The following TLE1 variants were observed in gnomAD, a reference collection of about 807,000 sequenced individuals.
The protein encoded by TLE1 is TLE family member 1, transcriptional corepressor, also known as transducin-like enhancer protein 1.
Under a neutral mutation model 89.8 loss-of-function variants are expected in TLE1, and 21 were observed. The ratio of observed to expected loss-of-function variants is 0.23; its 90% CI spans 0.17 to 0.34. The LOEUF is 0.34. TLE1 is among the 10% of genes least tolerant of loss of function. The pLI is 1.00. For synonymous variants in TLE1, 447 were observed against 407.6 expected, an observed-to-expected ratio of 1.10 and a Z score of -1.16; for missense variants, 795 against 1,031.2, an observed-to-expected ratio of 0.77 and a Z score of 3.14.
intron 4 of TLE1, among the ~76,000 whole-genome samples, chr9:81,667,215 C>T (rs1187911187): frequency 6.6e-6 from 1 of 151,974 alleles, no homozygotes; most frequent in Non-Finnish European, 1.5e-5. Context: ...GAGTTTGAGA[C>T]CAGCCTGGCC....
At position 81,687,704 on chromosome 9, in the gene TLE1, G is replaced by A. The variant is rs777997847; in HGVS notation, c.25-270C>T. Among the ~76,000 whole-genome samples, 4 of 152,078 alleles carry A rather than the reference G, an allele frequency of 2.6e-5. No individual in the cohort carries two copies. The East Asian group carries it at 7.8e-4, about 30-fold the overall frequency. On this transcript the variant is annotated intron_variant, in intron 1 of 19. Coordinates refer to ENST00000376499, the MANE Select transcript of TLE1 (RefSeq NM_005077.5). ...CCGGGTCACCAGGCCAAAGGGAAGGGGGCTCCCCGGCGGCCAGGGAAGACC... is the reference window on the plus strand; with the variant it reads ...CCGGGTCACCAGGCCAAAGGGAAGGAGGCTCCCCGGCGGCCAGGGAAGACC...
intron 8 of TLE1, among the ~76,000 whole-genome samples, chr9:81,621,249 G>A (rs112773867): frequency 0.019 from 2,874 of 152,184 alleles, 95 homozygotes; most frequent in African/African-American, 0.064. Flanking sequence ...ACTTTCATTC[G>A]CATATGCCGA....
chr9:81,640,228 T>C (rs1167987227), intron 6 of TLE1, among the ~76,000 whole-genome samples: 1 of 152,174 alleles, frequency 6.6e-6, no homozygotes, highest in Admixed American at 6.6e-5. Flanking sequence ...TTAGAATTCA[T>C]GTTCTTGTAT....
intron 6 of TLE1, among the ~76,000 whole-genome samples, chr9:81,647,367 T>C (rs997798793): frequency 1.3e-5 from 2 of 152,372 alleles, no homozygotes; most frequent in Admixed American, 1.3e-4. Context: ...TCTGTCTCCA[T>C]CTGTTCCCCA....
chr9:81,642,003 C>CAA (rs1828186432), intron 6 of TLE1, among the ~76,000 whole-genome samples: 1 of 151,832 alleles, frequency 6.6e-6, no homozygotes, highest in Non-Finnish European at 1.5e-5. Flanking sequence ...GCCTGGGCAA[C>CAA]AAGAGCAAAA....
intron 15 of TLE1, among the ~76,000 whole-genome samples, chr9:81,592,575 A>G (rs1414771946): frequency 1.3e-5 from 2 of 152,196 alleles, no homozygotes; most frequent in African/African-American, 4.8e-5. Flanking sequence ...CAGCTCTCTC[A>G]GGTCTCCCTT....
rs542695653 is a variant in TLE1, at chr9:81,688,359, G to A, written c.-119C>T. ...GCCAAGCAGAAGCGGGGAGCGCGCT[G>A]GCCACGCACGCGCGCTCCGCCGGGC... On this transcript the variant is annotated 5_prime_UTR_variant, in exon 1 of 20. Transcript: ENST00000376499. 1.0e-5 allele frequency: 12 copies of A among 1,151,612 alleles called. No homozygotes were observed. The highest frequency in any genetic ancestry group is 1.9e-5 in the South Asian group (1 of 53,196). 71.3% of individuals were successfully genotyped at this position (1,151,612 alleles called of 1,614,324 possible).
intron 4 of TLE1, among the ~76,000 whole-genome samples, chr9:81,671,748 A>G (rs1832256943): frequency 6.6e-6 from 1 of 152,210 alleles, no homozygotes; most frequent in Non-Finnish European, 1.5e-5. Context: ...CATAAATATC[A>G]TAGCATCTAG....
chr9:81,656,959 A>C (rs1349022888), intron 4 of TLE1, among the ~76,000 whole-genome samples: 1 of 152,234 alleles, frequency 6.6e-6, no homozygotes, highest in Non-Finnish European at 1.5e-5. Context: ...TGTACCAATT[A>C]TTGCGAGTTT....
intron 8 of TLE1, among the ~76,000 whole-genome samples, chr9:81,632,721 C>T (rs1020911774): frequency 4.6e-5 from 7 of 151,890 alleles, no homozygotes; most frequent in Admixed American, 2.0e-4. Flanking sequence ...ATGAACTCTA[C>T]GCACACAGCC....
intron 16 of TLE1, 132 bp from the exon 17 acceptor site, chr9:81,587,960 C>A: frequency 1.5e-6 from 1 of 668,320 alleles, no homozygotes; most frequent in Non-Finnish European, 2.0e-6. Flanking sequence ...CCGCCAGTGT[C>A]TGCTGATGTG....
chr9:81,612,053 T>A (rs993080651), intron 12 of TLE1, 94 bp from the exon 13 acceptor site: 1 of 1,016,014 alleles, frequency 9.8e-7, no homozygotes, highest in Admixed American at 3.7e-5. Context: ...GTGTCACTCA[T>A]GGGGAGAGAG....
chr9:81,655,451 AAG>A (rs1830046136), intron 4 of TLE1, among the ~76,000 whole-genome samples: 1 of 152,134 alleles, frequency 6.6e-6, no homozygotes, highest in Non-Finnish European at 1.5e-5. Flanking sequence ...AAAAACTGGC[AAG>A]AGAGGGAACA....
At chr9:81,635,210 T>A (rs1827220189) in intron 6 of TLE1, among the ~76,000 whole-genome samples, 1 of 152,154 alleles carries the variant, frequency 6.6e-6, no homozygotes, top group Admixed American at 6.6e-5. Flanking sequence ...ACTTTGTTTA[T>A]CCTTTCCTTC....
chr9:81,596,979 C>G (rs1187269813), intron 14 of TLE1, among the ~76,000 whole-genome samples: 1 of 152,128 alleles, frequency 6.6e-6, no homozygotes, highest in Non-Finnish European at 1.5e-5. Context: ...GGGGAAGGCT[C>G]GTAACCAGTT....
chr9:81,677,774 A>G (rs753136486), intron 4 of TLE1, among the ~76,000 whole-genome samples: 3 of 152,144 alleles, frequency 2.0e-5, no homozygotes, highest in Non-Finnish European at 4.4e-5. Context: ...ACACACCTAC[A>G]TTCTCAAAGA....
chr9:81,668,384 A>C (rs1396655158), intron 4 of TLE1, among the ~76,000 whole-genome samples: 1 of 152,196 alleles, frequency 6.6e-6, no homozygotes, highest in African/African-American at 2.4e-5. Flanking sequence ...AGATTATTTT[A>C]AGTATTTAGA....
chr9:81,686,001 A>C, intron 2 of TLE1, 105 bp from the exon 3 acceptor site: 1 of 1,220,754 alleles, frequency 8.2e-7, no homozygotes, highest in Admixed American at 2.0e-5. Context: ...AATTTGGAAA[A>C]GCCATAAACT....
At chr9:81,676,044 T>C (rs761587408) in intron 4 of TLE1, among the ~76,000 whole-genome samples, 2 of 152,246 alleles carry the variant, frequency 1.3e-5, no homozygotes, top group African/African-American at 4.8e-5. Context: ...CTGAATTCCA[T>C]GGACTTGTTG....
Sources: gnomAD v4.1 joint callset for allele counts (sites outside exome capture counted in the v4.1 genomes callset) on GRCh38, gnomAD v4.1.1 for gene constraint, MANE v1.5 for transcripts, NCBI Gene and HGNC (gene_info 2026-07-23, HGNC 2026-07-21) for gene names.